The following CFAP77 variants were observed in gnomAD, a reference collection of about 807,000 sequenced individuals.
The protein encoded by CFAP77 is cilia- and flagella-associated protein 77.
CFAP77 carries 25 observed loss-of-function variants against 31.1 expected under a neutral mutation model. That is an observed-to-expected ratio of 0.80 (90% CI 0.59 to 1.12). The LOEUF is 1.12. Among genes scored for constraint, CFAP77 ranks in the 50% most tolerant of loss-of-function variants. The pLI is 0.00. For missense variants in CFAP77, 377 were observed against 397.3 expected (o/e 0.95, Z 0.44); for synonymous variants, 151 against 159.9 (o/e 0.94, Z 0.42).
chr9:132,419,829 G>T (rs1240133774), intron 1 of CFAP77, among the ~76,000 whole-genome samples: 1 of 152,120 alleles, frequency 6.6e-6, no homozygotes, highest in Non-Finnish European at 1.5e-5. Context: ...AGTCTGATCA[G>T]AGAGAACCAG....
intron 1 of CFAP77, among the ~76,000 whole-genome samples, chr9:132,489,864 C>T (rs1007932138): frequency 1.3e-5 from 2 of 152,090 alleles, no homozygotes; most frequent in Non-Finnish European, 2.9e-5. Context: ...GATTTGGGAC[C>T]GAGTCTCGTC....
chr9:132,569,728 CTTTTTTTTTT>C (rs558402201), intron 5 of CFAP77, among the ~76,000 whole-genome samples: 320 of 98,510 alleles, frequency 3.2e-3, no homozygotes, highest in African/African-American at 0.013. Flanking sequence ...TCTAGCTGCC[CTTTTTTTTTT>C]TTTTTTTTTT....
At chr9:132,461,324 T>G (rs1326585419) in intron 1 of CFAP77, among the ~76,000 whole-genome samples, 2 of 152,224 alleles carry the variant, frequency 1.3e-5, no homozygotes. Flanking sequence ...GTGCCCGGGT[T>G]CTGGGACTGC....
chr9:132,565,514 C>T lies in CFAP77; in HGVS notation c.733-6874C>T, dbSNP rs1038540756. On this transcript the variant is annotated intron_variant, in intron 5 of 5. Transcript: ENST00000393216. This position sits in a 1 kb window ranked among gnomAD's most constrained non-coding sequence, Gnocchi z 4.1. ...GGCGTGATGGCAGACACCTGTAATC[C>T]CAGCTACTCGGGAGGCTGAGGAAGG... 3.3e-5 allele frequency among the ~76,000 whole-genome samples: 5 copies of T among 151,892 alleles called. No individual in the cohort carries two copies. The highest frequency in any genetic ancestry group is 4.8e-5 in the African/African-American group (2 of 41,340).
chr9:132,543,906 G>T (rs1239563888), intron 5 of CFAP77, among the ~76,000 whole-genome samples: 2 of 152,210 alleles, frequency 1.3e-5, no homozygotes, highest in African/African-American at 4.8e-5. Context: ...AGGGAAGTGG[G>T]AGATTTGGGA....
At chr9:132,558,830 T>A (rs1046261344) in intron 5 of CFAP77, among the ~76,000 whole-genome samples, 1 of 114,084 alleles carries the variant, frequency 8.8e-6, no homozygotes, top group African/African-American at 4.1e-5. Flanking sequence ...CTGACCAACG[T>A]GGTTGAAACC....
At chr9:132,456,011 C>T (rs76720681) in intron 1 of CFAP77, among the ~76,000 whole-genome samples, 8,527 of 152,184 alleles carry the variant, frequency 0.056, 778 homozygotes, top group African/African-American at 0.19. Flanking sequence ...CCTGGTGGCA[C>T]TGCCGTGGCG....
In CFAP77 at chr9:132,488,431, A is replaced by C. The variant is rs1851599028; in HGVS notation, c.196-10264A>C. 3.3e-5 allele frequency among the ~76,000 whole-genome samples: 5 copies of C among 152,224 alleles called. No individual in the cohort carries two copies. The South Asian group carries it at 1.0e-3, about 32-fold the overall frequency. On this transcript the variant is annotated intron_variant, in intron 1 of 5. Transcript: ENST00000393216. ...TTTTAAGATATCTCGTGCAAAATCCACAAGGTCTTTTAAGAGGTACAGCTG... is the reference window on the plus strand; with the variant it reads ...TTTTAAGATATCTCGTGCAAAATCCCCAAGGTCTTTTAAGAGGTACAGCTG...
At chr9:132,544,274 G>A (rs1249455563) in intron 5 of CFAP77, among the ~76,000 whole-genome samples, 4 of 152,218 alleles carry the variant, frequency 2.6e-5, no homozygotes, top group Non-Finnish European at 4.4e-5. Flanking sequence ...GACGTCAAGG[G>A]AGGAACAGGG....
intron 3 of CFAP77, among the ~76,000 whole-genome samples, chr9:132,524,402 T>C (rs1307787859): frequency 1.3e-5 from 2 of 151,266 alleles, no homozygotes; most frequent in African/African-American, 2.4e-5. Flanking sequence ...GGAGTTTGGA[T>C]CAGCCTGGCC....
chr9:132,439,421 C>G (rs574934870), intron 1 of CFAP77, among the ~76,000 whole-genome samples: 2 of 152,198 alleles, frequency 1.3e-5, no homozygotes, highest in East Asian at 3.9e-4. Context: ...GCAGCTGAAG[C>G]ATCTGTCTGG....
At chr9:132,484,135 T>TC (rs1194918733) in intron 1 of CFAP77, among the ~76,000 whole-genome samples, 3 of 151,942 alleles carry the variant, frequency 2.0e-5, no homozygotes, top group South Asian at 2.1e-4. Flanking sequence ...ACAGGGATTC[T>TC]CCATGTTGGC....
chr9:132,563,636 T>C (rs1829851674), intron 5 of CFAP77, among the ~76,000 whole-genome samples: 1 of 152,232 alleles, frequency 6.6e-6, no homozygotes. Context: ...CTGCAGGGCA[T>C]GTATGTAAAC....
chr9:132,553,528 A>G (rs1169876945), intron 5 of CFAP77, among the ~76,000 whole-genome samples: 3 of 152,234 alleles, frequency 2.0e-5, no homozygotes, highest in Non-Finnish European at 4.4e-5. Flanking sequence ...TGCAGTGGAA[A>G]TCTGCCTTCT....
At chr9:132,569,855 C>A (rs1290895539) in intron 5 of CFAP77, among the ~76,000 whole-genome samples, 1 of 151,636 alleles carries the variant, frequency 6.6e-6, no homozygotes, top group African/African-American at 2.4e-5. Flanking sequence ...CCTGCCTTAG[C>A]CCTCCCTGTA....
chr9:132,459,615 G>GTATGTA (rs1491049297), intron 1 of CFAP77, among the ~76,000 whole-genome samples: 14 of 151,026 alleles, frequency 9.3e-5, no homozygotes, highest in Admixed American at 9.2e-4. Context: ...ATATGTGTGT[G>GTATGTA]TATGTATATG....
chr9:132,485,985 C>CATATATATATATATATATATATAT (rs61265124), intron 1 of CFAP77, among the ~76,000 whole-genome samples: 2 of 53,576 alleles, frequency 3.7e-5, no homozygotes, highest in African/African-American at 8.4e-5. Context: ...ACACACACCT[C>CATATATATATATATATATATATAT]ATATATATAT....
Position 132,410,233 on chromosome 9 carries a change from C to T in CFAP77, c.-39C>T, listed in dbSNP as rs952956243. The T allele has an allele frequency of 4.0e-6, 6 of 1,516,540 alleles. No homozygotes were observed. In the African/African-American group the frequency reaches 7.2e-5, roughly 18 times the overall value. The allele number at this position is 1,516,540 out of a possible 1,614,324, so 93.9% of individuals were successfully genotyped here. ...TGTGCCCGACGTGGGGAAGCGCGCC[C>T]AAACCAGCCCGCGGGCCGGCTCCCC... On this transcript the variant is annotated 5_prime_UTR_variant, in exon 1 of 6. Coordinates refer to ENST00000393216, the MANE Select transcript of CFAP77 (RefSeq NM_001282957.2).
chr9:132,496,205 T>A (rs185833927), intron 1 of CFAP77, among the ~76,000 whole-genome samples: 4 of 148,534 alleles, frequency 2.7e-5, no homozygotes, highest in African/African-American at 1.0e-4. Context: ...GTCTATTTTT[T>A]TAAAAAAAAC....
Sources: gnomAD v4.1 joint callset for allele counts (sites outside exome capture counted in the v4.1 genomes callset) on GRCh38, gnomAD v4.1.1 for gene constraint, Gnocchi (gnomAD v3.1) non-coding constraint, MANE v1.5 for transcripts, NCBI Gene and HGNC (gene_info 2026-07-23, HGNC 2026-07-21) for gene names.